ARHGAP40: variants seen among roughly 807,000 people sequenced by gnomAD.
ARHGAP40 encodes Rho GTPase activating protein 40, also known as rho GTPase-activating protein 40.
ARHGAP40 carries 43 observed loss-of-function variants against 73.5 expected under a neutral mutation model. The observed-to-expected ratio is 0.58, with a 90% CI of 0.46 to 0.75. The LOEUF (loss-of-function observed/expected upper bound fraction) is 0.75. Among genes scored for constraint, ARHGAP40 ranks in the 30% least tolerant of loss-of-function variants. The pLI is 0.00. For missense variants in ARHGAP40, 734 were observed against 861.8 expected, an observed-to-expected ratio of 0.85 and a Z score of 1.86; for synonymous variants, 300 against 352.8, an observed-to-expected ratio of 0.85 and a Z score of 1.68.
At chr20:38,641,367 A>G (rs220533) in intron 9 of ARHGAP40, among the ~76,000 whole-genome samples, 88,370 of 151,994 alleles carry the variant, frequency 0.58, 26,387 homozygotes, top group African/African-American at 0.68. Flanking sequence ...AAAACCTTCT[A>G]TCTGGGCCCA....
chr20:38,627,282 A>G, intron 3 of ARHGAP40, 67 bp downstream of exon 3: 2 of 1,260,582 alleles, frequency 1.6e-6, no homozygotes, highest in South Asian at 2.6e-5. Flanking sequence ...CCACAGCCTG[A>G]GAGATGCAGT....
chr20:38,647,984 G>A (rs1375311324), intron 13 of ARHGAP40, among the ~76,000 whole-genome samples: 2 of 152,174 alleles, frequency 1.3e-5, no homozygotes, highest in African/African-American at 4.8e-5. Context: ...AAGAAGGTCG[G>A]GGGCTGATGT....
intron 1 of ARHGAP40, chr20:38,615,370 A>G (rs1023028703): frequency 2.4e-5 from 18 of 750,084 alleles, no homozygotes; most frequent in South Asian, 5.6e-5. Context: ...CAGGGTTAAA[A>G]GGCCCCAGGT....
intron 1 of ARHGAP40, among the ~76,000 whole-genome samples, chr20:38,605,643 C>T (rs184592495): frequency 6.6e-6 from 1 of 152,244 alleles, no homozygotes; most frequent in East Asian, 1.9e-4. Context: ...AAGTGAAATC[C>T]ACCTGCCCCT....
chr20:38,648,627 TC>T lies in ARHGAP40; in HGVS notation c.1881-15del. The T allele has an allele frequency of 7.7e-7, 1 of 1,298,360 alleles. No individual in the cohort carries two copies. Among genetic ancestry groups the T allele is most frequent in the Non-Finnish European group, 1.0e-6 (1 of 986,456 alleles). The allele number at this position is 1,298,360 out of a possible 1,614,324, so 80.4% of individuals were successfully genotyped here. ...AAAAGGCAGTAGTTTTTTTTTTCTC[TC>T]TCTCTGTTTTACAGCCATAGGTCCA... is the stretch of plus-strand genomic sequence containing the variant. On this transcript the variant is annotated splice_polypyrimidine_tract_variant and intron_variant, in intron 13 of 14. Coordinates refer to ENST00000373345, the Ensembl canonical transcript of ARHGAP40.
intron 1 of ARHGAP40, among the ~76,000 whole-genome samples, chr20:38,612,689 G>GAA (rs1178085378): frequency 6.6e-6 from 1 of 151,052 alleles, no homozygotes; most frequent in African/African-American, 2.4e-5. Context: ...GAAAAGAAAA[G>GAA]AAAAGAGATA....
chr20:38,647,185 A>G, intron 13 of ARHGAP40, 59 bp downstream of exon 13: 2 of 1,251,658 alleles, frequency 1.6e-6, no homozygotes, highest in South Asian at 2.8e-5. Context: ...TCTGCACCCC[A>G]GAGCTGAAGG....
intron 3 of ARHGAP40, among the ~76,000 whole-genome samples, chr20:38,628,409 G>A (rs936374609): frequency 2.0e-5 from 3 of 151,666 alleles, no homozygotes; most frequent in African/African-American, 2.4e-5. Context: ...GGTTCACGCC[G>A]TTCTCCTGCC....
intron 1 of ARHGAP40, among the ~76,000 whole-genome samples, chr20:38,608,649 A>G (rs1462586706): frequency 2.0e-5 from 3 of 152,150 alleles, no homozygotes; most frequent in Non-Finnish European, 4.4e-5. Context: ...CTTAGCCACT[A>G]TAGTGGCTAA....
At chr20:38,628,629 C>T (rs2088918075) in intron 3 of ARHGAP40, among the ~76,000 whole-genome samples, 1 of 152,214 alleles carries the variant, frequency 6.6e-6, no homozygotes, top group East Asian at 1.9e-4. Flanking sequence ...TTTATTGTCA[C>T]TGTGTATCCT....
intron 1 of ARHGAP40, among the ~76,000 whole-genome samples, chr20:38,617,436 C>T (rs1397542326): frequency 6.6e-6 from 1 of 152,226 alleles, no homozygotes; most frequent in Admixed American, 6.5e-5. Flanking sequence ...AAGCCCCCTT[C>T]TCTACCCCTG....
chr20:38,624,648 TG>T (rs11476103), intron 2 of ARHGAP40, among the ~76,000 whole-genome samples: 107,535 of 152,014 alleles, frequency 0.71, 39,602 homozygotes, highest in African/African-American at 0.92. Context: ...TCAAGTCCTT[TG>T]GTTCTCTCTG....
At chr20:38,647,992 T>A (rs562507822) in intron 13 of ARHGAP40, among the ~76,000 whole-genome samples, 4 of 152,218 alleles carry the variant, frequency 2.6e-5, no homozygotes. Flanking sequence ...CGGGGGCTGA[T>A]GTGCAGCCAT....
chr20:38,631,014 A>G (rs1382289847), intron 5 of ARHGAP40, among the ~76,000 whole-genome samples: 4 of 152,312 alleles, frequency 2.6e-5, no homozygotes, highest in African/African-American at 7.2e-5. Context: ...TATATGATAG[A>G]AAGAAAGAGA....
intron 1 of ARHGAP40, among the ~76,000 whole-genome samples, chr20:38,611,223 G>A (rs1210820995): frequency 6.6e-6 from 1 of 151,944 alleles, no homozygotes. Flanking sequence ...CTGGTCAGAT[G>A]CTGTGCCTAA....
chr20:38,605,375 T>C (rs1328503498), intron 1 of ARHGAP40, among the ~76,000 whole-genome samples: 1 of 152,174 alleles, frequency 6.6e-6, no homozygotes. Flanking sequence ...ATACACTAAA[T>C]GCTGACCTGA....
intron 5 of ARHGAP40, among the ~76,000 whole-genome samples, chr20:38,634,286 G>A (rs751093660): frequency 9.9e-5 from 15 of 152,136 alleles, no homozygotes; most frequent in Non-Finnish European, 1.6e-4. Context: ...CAGGAGGTCG[G>A]GGCTGCAGTC....
At chr20:38,606,755 C>T (rs780833795) in intron 1 of ARHGAP40, among the ~76,000 whole-genome samples, 1 of 152,220 alleles carries the variant, frequency 6.6e-6, no homozygotes, top group African/African-American at 2.4e-5. Flanking sequence ...TTCACCTTCA[C>T]TCATATTTTG....
chr20:38,615,294 G>A (rs2145596997), intron 1 of ARHGAP40: 2 of 772,784 alleles, frequency 2.6e-6, no homozygotes, highest in Admixed American at 1.7e-5. Context: ...TCCGGAGGGA[G>A]CAGTCGACAT....
Sources: allele counts gnomAD v4.1 joint callset (sites outside exome capture counted in the v4.1 genomes callset), GRCh38; gene constraint gnomAD v4.1.1; transcripts MANE v1.5; gene names NCBI Gene and HGNC (gene_info 2026-07-23, HGNC 2026-07-21).